Variants in SIPA1L1 observed in about 807,000 individuals in gnomAD.
SIPA1L1 encodes signal-induced proliferation-associated 1-like protein 1.
Under a neutral mutation model 162.7 loss-of-function variants are expected in SIPA1L1, and 26 were observed. The observed-to-expected ratio is 0.16, with a 90% CI of 0.12 to 0.22. The LOEUF is 0.22. SIPA1L1 is among the 10% of genes least tolerant of loss of function. The pLI is 1.00. For missense variants in SIPA1L1, 1,874 were observed against 2,241.0 expected (o/e 0.84, Z 3.31); for synonymous variants, 829 against 837.4 (o/e 0.99, Z 0.17).
At position 71,377,754 on chromosome 14, in the gene SIPA1L1, C is replaced by T. The variant is rs1035003665; in HGVS notation, c.-465+56573C>T. Among the ~76,000 whole-genome samples the T allele has an allele frequency of 6.6e-6, 1 of 152,256 alleles. No individual in the cohort carries two copies. The highest frequency in any genetic ancestry group is 1.5e-5 in the Non-Finnish European group (1 of 68,038). On this transcript the variant is annotated intron_variant, in intron 2 of 23. Transcript: ENST00000381232. The surrounding 1 kb of genome is among the most constrained non-coding windows in gnomAD (Gnocchi z 4.8). ...CCTCGGGAGGCCGAGGCGGGCAGAT[C>T]ACCCGAGTTCAGGAGCTGGAGACCA...
chr14:71,697,491 A>G (rs577871737), intron 13 of SIPA1L1, among the ~76,000 whole-genome samples: 4 of 152,356 alleles, frequency 2.6e-5, no homozygotes, highest in South Asian at 2.1e-4. Context: ...GTGGTACCAA[A>G]AAAAAAATGA....
At chr14:71,670,303 T>C (rs1039861519) in intron 10 of SIPA1L1, among the ~76,000 whole-genome samples, 6 of 152,202 alleles carry the variant, frequency 3.9e-5, no homozygotes, top group African/African-American at 9.6e-5. Context: ...ATGATCCTTT[T>C]CTTAGGCCCA....
chr14:71,331,642 T>G (rs1261697422), intron 2 of SIPA1L1, among the ~76,000 whole-genome samples: 1 of 152,238 alleles, frequency 6.6e-6, no homozygotes, highest in Non-Finnish European at 1.5e-5. Flanking sequence ...CAACACTCTG[T>G]GTCAGTTGCA....
chr14:71,546,777 A>G (rs1008216738), intron 4 of SIPA1L1, among the ~76,000 whole-genome samples: 6 of 152,314 alleles, frequency 3.9e-5, no homozygotes, highest in African/African-American at 1.4e-4. Flanking sequence ...GTCCTTAAAG[A>G]GCTCACTGTA....
At chr14:71,412,338 G>T (rs1325216181) in intron 2 of SIPA1L1, among the ~76,000 whole-genome samples, 1 of 152,236 alleles carries the variant, frequency 6.6e-6, no homozygotes. Context: ...GCTATCGTTA[G>T]TGTATTTTAT....
At chr14:71,523,838 C>T (rs1304490270) in intron 3 of SIPA1L1, among the ~76,000 whole-genome samples, 1 of 152,034 alleles carries the variant, frequency 6.6e-6, no homozygotes, top group African/African-American at 2.4e-5. Flanking sequence ...CAGATGTGGC[C>T]TCTTCAGTTT....
At chr14:71,504,992 G>A (rs1400690384) in intron 2 of SIPA1L1, among the ~76,000 whole-genome samples, 1 of 152,156 alleles carries the variant, frequency 6.6e-6, no homozygotes, top group African/African-American at 2.4e-5. Context: ...GCCATGTTGT[G>A]CTTCATGTAA....
intron 2 of SIPA1L1, among the ~76,000 whole-genome samples, chr14:71,398,008 AAT>A (rs1566972147): frequency 1.1e-5 from 1 of 88,710 alleles, no homozygotes; most frequent in Non-Finnish European, 2.1e-5. Context: ...CAAAAAAAAA[AAT>A]TTTTTTTTTT....
intron 2 of SIPA1L1, among the ~76,000 whole-genome samples, chr14:71,465,768 G>A (rs11625974): frequency 0.031 from 4,678 of 152,180 alleles, 94 homozygotes; most frequent in Non-Finnish European, 0.049. Context: ...TAACTTACAC[G>A]ATCACAAGTT....
chr14:71,673,703 A>G (rs904996701), intron 12 of SIPA1L1, among the ~76,000 whole-genome samples: 4 of 152,196 alleles, frequency 2.6e-5, no homozygotes, highest in Non-Finnish European at 4.4e-5. Context: ...AAATATAGAA[A>G]AATTCCTTTG....
At chr14:71,515,667 T>G (rs776690864) in intron 3 of SIPA1L1, among the ~76,000 whole-genome samples, 3 of 152,114 alleles carry the variant, frequency 2.0e-5, no homozygotes, top group Non-Finnish European at 4.4e-5. Flanking sequence ...TTTTTTGAGA[T>G]GGAGTCTTAC....
Position 71,588,639 on chromosome 14 carries a change from G to C in SIPA1L1, c.767G>C (p.Gly256Ala). The C allele has an allele frequency of 1.2e-6, 2 of 1,614,022 alleles. No individual in the cohort carries two copies. The highest frequency in any genetic ancestry group is 1.7e-6 in the Non-Finnish European group (2 of 1,179,970). ...ATTACTGGTGGTGGCAAGGGTTCTG[G>C]TTTCTCTTTGGATGTAATAGACGGG... ...FLITGGGKGS[G>A]FSLDVIDGPI... Residue 256 changes from glycine to alanine, a missense_variant, in exon 5 of 24, where the codon GGT (glycine) becomes GCT (alanine). Coordinates refer to ENST00000381232, the MANE Select transcript of SIPA1L1 (RefSeq NM_001386936.1). This position sits in a 1 kb window ranked among gnomAD's most constrained non-coding sequence, Gnocchi z 4.3.
intron 5 of SIPA1L1, among the ~76,000 whole-genome samples, chr14:71,612,991 A>G (rs2038400805): frequency 6.6e-6 from 1 of 152,202 alleles, no homozygotes; most frequent in Non-Finnish European, 1.5e-5. Flanking sequence ...CTTCACACTA[A>G]ACATTTAAAT....
At chr14:71,638,946 C>A (rs1271176367) in intron 7 of SIPA1L1, among the ~76,000 whole-genome samples, 1 of 152,158 alleles carries the variant, frequency 6.6e-6, no homozygotes, top group Non-Finnish European at 1.5e-5. Flanking sequence ...TGCCTATAAT[C>A]CCAGATAGTC....
intron 2 of SIPA1L1, among the ~76,000 whole-genome samples, chr14:71,505,803 G>T (rs1289907802): frequency 6.6e-6 from 1 of 152,012 alleles, no homozygotes; most frequent in East Asian, 1.9e-4. Context: ...TGATGTTTCG[G>T]TGTACACAAA....
In SIPA1L1 at chr14:71,671,556, A is replaced by G. The variant is rs141839740; in HGVS notation, c.2693A>G (p.Asn898Ser). ...CAGGAAACAAAGAGCGTGGTCTTCA[A>G]TTGTTCCTGTAGAGATGTGATAGGG... ...IEQETKSVVFNCSCRDVIGWT... is the reference protein window; with the variant it reads ...IEQETKSVVFSCSCRDVIGWT... Residue 898 changes from asparagine to serine, a missense_variant, in exon 11 of 24, where the codon AAT becomes AGT. Asn to Ser is a conservative substitution (Grantham distance 46). Around this residue, in one of 5 missense-constraint regions of SIPA1L1, gnomAD observed 243 missense variants for 315.0 expected, o/e 0.77. Transcript: ENST00000381232. 2.3e-4 allele frequency: 366 copies of G among 1,614,062 alleles called. No individual in the cohort carries two copies. The highest frequency in any genetic ancestry group is 3.7e-4 in the African/African-American group (28 of 74,916).
intron 2 of SIPA1L1, among the ~76,000 whole-genome samples, chr14:71,398,889 C>A (rs142901190): frequency 2.0e-5 from 3 of 152,304 alleles, no homozygotes; most frequent in African/African-American, 7.2e-5. Context: ...ATCTTTGGAG[C>A]TCCACAGCTT....
At chr14:71,576,137 G>A (rs1426819161) in intron 4 of SIPA1L1, among the ~76,000 whole-genome samples, 2 of 152,226 alleles carry the variant, frequency 1.3e-5, no homozygotes, top group African/African-American at 4.8e-5. Context: ...TCAAGAGCCT[G>A]AAAGTCTCAC....
chr14:71,533,311 A>T (rs1456896317), intron 4 of SIPA1L1, among the ~76,000 whole-genome samples: 2 of 152,346 alleles, frequency 1.3e-5, no homozygotes, highest in Admixed American at 6.5e-5. Context: ...TTAGGAATAG[A>T]CATAAAATGA....
Sources: allele counts gnomAD v4.1 joint callset (sites outside exome capture counted in the v4.1 genomes callset), GRCh38; gene constraint gnomAD v4.1.1; regional missense constraint gnomAD v4.1.1; non-coding constraint Gnocchi (gnomAD v3.1); transcripts MANE v1.5; gene names NCBI Gene and HGNC (gene_info 2026-07-23, HGNC 2026-07-21).